The following APC variants were observed in gnomAD, a reference collection of about 807,000 sequenced individuals.
The protein encoded by APC is adenomatous polyposis coli protein.
Under a neutral mutation model 247.0 loss-of-function variants are expected in APC, and 72 were observed. The observed-to-expected ratio is 0.29, with a 90% CI of 0.24 to 0.35. APC has a LOEUF of 0.35. APC is among the 10% of genes least tolerant of loss of function. The pLI is 1.00. For synonymous variants in APC, 1,254 were observed against 1,162.5 expected (o/e 1.08, Z -1.60); for missense variants, 3,400 against 3,360.7 (o/e 1.01, Z -0.29).
At chr5:112,707,518 C>T (rs1460379840), upstream of APC, 2 of 469,128 alleles carry the variant, frequency 4.3e-6, no homozygotes, top group African/African-American at 3.9e-5. Flanking sequence ...CTTCCCACCT[C>T]CCACAAGATG....
At chr5:112,826,414 G>A (rs1763662883) in intron 11 of APC, among the ~76,000 whole-genome samples, 2 of 151,346 alleles carry the variant, frequency 1.3e-5, no homozygotes, top group East Asian at 1.9e-4. Context: ...CCTATTGTTG[G>A]CCATTGTGGG....
intron 1 of APC, among the ~76,000 whole-genome samples, chr5:112,708,529 C>T (rs1750665638): frequency 6.6e-6 from 1 of 152,046 alleles, no homozygotes; most frequent in Admixed American, 6.6e-5. Flanking sequence ...CTTTCTAGAT[C>T]TAGTGAAAGA....
intron 2 of APC, among the ~76,000 whole-genome samples, chr5:112,763,027 A>G (rs1012156385): frequency 2.6e-5 from 4 of 152,230 alleles, no homozygotes; most frequent in Non-Finnish European, 4.4e-5. Flanking sequence ...TTAACACATC[A>G]TTGGAGTAAG....
intron 5 of APC, among the ~76,000 whole-genome samples, chr5:112,778,650 G>A (rs976694846): frequency 1.3e-5 from 2 of 150,086 alleles, no homozygotes; most frequent in Non-Finnish European, 3.0e-5. Flanking sequence ...AGGTTCAAGC[G>A]ATTCTCCTGC....
At chr5:112,779,626 A>C (rs1758109263) in intron 5 of APC, among the ~76,000 whole-genome samples, 1 of 152,164 alleles carries the variant, frequency 6.6e-6, no homozygotes. Context: ...TGAAAACATC[A>C]GATCTAAACC....
intron 6 of APC, among the ~76,000 whole-genome samples, chr5:112,790,981 A>G (rs75265239): frequency 1.3e-5 from 2 of 152,188 alleles, no homozygotes; most frequent in African/African-American, 2.4e-5. Context: ...GTCAATAACT[A>G]TAGAATTATT....
At position 112,842,155 on chromosome 5, in the gene APC, A is replaced by C. The variant is rs2149967586; in HGVS notation, c.6561A>C (p.Gly2187=). ...AAAAGATAGAATCTGAAAGTAAAGGAATCAAAGGAGGAAAAAAAGTTTATA... is the reference window on the plus strand; with the variant it reads ...AAAAGATAGAATCTGAAAGTAAAGGCATCAAAGGAGGAAAAAAAGTTTATA... ...ETKKIESESK[G]IKGGKKVYKS... Residue 2187 remains glycine (G), a synonymous_variant, in exon 16 of 16, where the codon GGA becomes GGC. Transcript: ENST00000257430. 1 of 1,612,686 alleles carries C rather than the reference A, an allele frequency of 6.2e-7. No homozygotes were observed. The highest frequency in any genetic ancestry group is 8.5e-7 in the Non-Finnish European group (1 of 1,179,082).
Position 112,843,996 on chromosome 5 carries a change from G to T in APC, c.8402G>T (p.Arg2801Leu), listed in dbSNP as rs754363694. 1.2e-6 allele frequency: 2 copies of T among 1,600,362 alleles called. No individual in the cohort carries two copies. Among genetic ancestry groups the T allele is most frequent in the Non-Finnish European group, 1.7e-6 (2 of 1,174,576 alleles). ...AGCAGCGCAGATAGCACTTCAGCTC[G>T]GCCATCTCAGATCCCAACTCCAGTG... ...RKSSADSTSA[R>L]PSQIPTPVNN... Residue 2801 changes from arginine to leucine, a missense_variant, in exon 16 of 16, where the codon CGG becomes CTG. This residue lies in a region of APC where 1,788 missense variants were observed against 1,649.5 expected (regional missense o/e 1.08). Coordinates refer to ENST00000257430, the MANE Select transcript of APC (RefSeq NM_000038.6). The surrounding 1 kb of genome is among the most constrained non-coding windows in gnomAD (Gnocchi z 4.8).
chr5:112,755,055 T>A (rs2149739136), intron 2 of APC, 30 bp downstream of exon 2: 1 of 1,611,886 alleles, frequency 6.2e-7, no homozygotes, highest in East Asian at 2.2e-5. Context: ...TAATTGTAGT[T>A]TATCCATTTT....
intron 6 of APC, among the ~76,000 whole-genome samples, chr5:112,786,547 G>A (rs1758969735): frequency 6.6e-6 from 1 of 152,104 alleles, no homozygotes; most frequent in African/African-American, 2.4e-5. Context: ...GCTTACTACT[G>A]GGATGTGGGA....
Position 112,839,855 on chromosome 5 carries a change from A to G in APC, c.4261A>G (p.Ser1421Gly), listed in dbSNP as rs1303200783. ...SGMVSGIISP[S>G]DLPDSPGQTM... ...AATGGTAAGTGGCATTATAAGCCCCAGTGATCTTCCAGATAGCCCTGGACA... is the reference window on the plus strand; with the variant it reads ...AATGGTAAGTGGCATTATAAGCCCCGGTGATCTTCCAGATAGCCCTGGACA... Residue 1421 changes from serine (S) to glycine (G), a missense_variant, in exon 16 of 16, where the codon AGT (serine) becomes GGT (glycine). This residue lies in a region of APC where 40 missense variants were observed against 75.6 expected (regional missense o/e 0.53). Coordinates refer to ENST00000257430, the MANE Select transcript of APC (RefSeq NM_000038.6). The surrounding 1 kb of genome is among the most constrained non-coding windows in gnomAD (Gnocchi z 5.0). 14 of 1,614,124 alleles carry G rather than the reference A, an allele frequency of 8.7e-6. No individual in the cohort carries two copies. The highest frequency in any genetic ancestry group is 1.2e-5 in the Non-Finnish European group (14 of 1,180,004).
intron 10 of APC, among the ~76,000 whole-genome samples, chr5:112,820,820 C>A (rs1763042765): frequency 6.6e-6 from 1 of 152,006 alleles, no homozygotes; most frequent in South Asian, 2.1e-4. Flanking sequence ...ATCTGTGTAA[C>A]TTTTTGTATT....
Position 112,842,266 on chromosome 5 carries a change from C to T in APC, c.6672C>T (p.Ile2224=), listed in dbSNP as rs1766272355. Residue 2224 remains isoleucine, a synonymous_variant, in exon 16 of 16, where the codon ATC becomes ATT. Coordinates refer to ENST00000257430, the MANE Select transcript of APC (RefSeq NM_000038.6). ...CCCTTCAAGCAAACATGCCTTCAAT[C>T]TCTCGAGGCAGGACAATGATTCATA... The part of the protein sequence containing the change: ...KQPLQANMPS[I]SRGRTMIHIP... 1 of 1,614,012 alleles carries T rather than the reference C, an allele frequency of 6.2e-7. No individual in the cohort carries two copies. Among genetic ancestry groups the T allele is most frequent in the Non-Finnish European group, 8.5e-7 (1 of 1,179,914 alleles).
intron 1 of APC, among the ~76,000 whole-genome samples, chr5:112,715,852 T>G (rs1318777026): frequency 6.6e-6 from 1 of 152,210 alleles, no homozygotes; most frequent in Non-Finnish European, 1.5e-5. Context: ...TTCTATCTTG[T>G]GATTATTTTT....
At chr5:112,754,850 CA>C in intron 1 of APC, 22 bp from the exon 2 acceptor site, 1 of 1,611,736 alleles carries the variant, frequency 6.2e-7, no homozygotes, top group Non-Finnish European at 8.5e-7. Flanking sequence ...TAGTGAATTT[CA>C]AAATCCTTTT....
At position 112,845,942 on chromosome 5, in the gene APC, G is replaced by GA. The variant is rs1237596259; in HGVS notation, c.*1820dup. On this transcript the variant is annotated 3_prime_UTR_variant, in exon 16 of 16. Coordinates refer to ENST00000257430, the MANE Select transcript of APC (RefSeq NM_000038.6). Reference sequence around the variant, plus strand: ...AGTGAATACACCTACCTGGTGCCTTGAAAATCACATCAAGTAGTTAATTAT... The same window carrying GA: ...AGTGAATACACCTACCTGGTGCCTTGAAAAATCACATCAAGTAGTTAATTAT... 1 of 232,108 alleles carries GA rather than the reference G, an allele frequency of 4.3e-6. No homozygotes were observed. Among genetic ancestry groups the GA allele is most frequent in the Non-Finnish European group, 8.5e-6 (1 of 117,388 alleles). 14.4% of individuals were successfully genotyped at this position (232,108 alleles called of 1,614,324 possible). A position where few individuals can be genotyped will look rare whatever the true frequency, so the allele number is the denominator to read the frequency against.
chr5:112,781,351 A>G lies in APC; in HGVS notation c.645+448A>G, dbSNP rs373214369. 3.0e-4 allele frequency among the ~76,000 whole-genome samples: 45 copies of G among 152,230 alleles called. 1 individual carries two copies. The highest frequency in any genetic ancestry group is 1.0e-3 in the African/African-American group (43 of 41,458). On this transcript the variant is annotated intron_variant, in intron 6 of 15. Transcript: ENST00000257430. ...AGAGATGAAGTAAGTTGTATGGAGA[A>G]CATTCCCATATTTCTACCCTCAATG...
At chr5:112,816,954 C>G (rs1169896139) in intron 9 of APC, among the ~76,000 whole-genome samples, 1 of 151,702 alleles carries the variant, frequency 6.6e-6, no homozygotes, top group Non-Finnish European at 1.5e-5. Flanking sequence ...CTGCAACCCC[C>G]ACCTCCAGGG....
chr5:112,723,243 C>T (rs978729400), intron 1 of APC, among the ~76,000 whole-genome samples: 1 of 152,130 alleles, frequency 6.6e-6, no homozygotes, highest in Admixed American at 6.5e-5. Context: ...TTGGGGATCG[C>T]TTGAGCTCAG....
Sources: allele counts gnomAD v4.1 joint callset (sites outside exome capture counted in the v4.1 genomes callset), GRCh38; gene constraint gnomAD v4.1.1; regional missense constraint gnomAD v4.1.1; non-coding constraint Gnocchi (gnomAD v3.1); transcripts MANE v1.5; gene names NCBI Gene and HGNC (gene_info 2026-07-23, HGNC 2026-07-21).